Variants in MAPK10 observed in about 807,000 individuals in gnomAD.
MAPK10 encodes the protein JNK3 alpha protein kinase.
A neutral mutation model predicts 59.3 loss-of-function variants in MAPK10; 25 were observed. That is an observed-to-expected ratio of 0.42 (90% confidence interval 0.31 to 0.59). The LOEUF (loss-of-function observed/expected upper bound fraction) is 0.59, where lower values mean the gene tolerates loss of function less well. Among genes scored for constraint, MAPK10 ranks in the 20% least tolerant of loss-of-function variants. The pLI is 0.15. For missense variants in MAPK10, 351 were observed against 568.9 expected (o/e 0.62, Z 3.90); for synonymous variants, 190 against 200.5 (o/e 0.95, Z 0.44).
chr4:86,050,501 C>A (rs1006793963), intron 11 of MAPK10, among the ~76,000 whole-genome samples: 2 of 152,132 alleles, frequency 1.3e-5, no homozygotes, highest in African/African-American at 4.8e-5. Flanking sequence ...AGTGCCATGA[C>A]CTTGGTCTCC....
At chr4:86,531,564 G>A (rs1472132712) in intron 1 of MAPK10, among the ~76,000 whole-genome samples, 1 of 152,194 alleles carries the variant, frequency 6.6e-6, no homozygotes, top group African/African-American at 2.4e-5. Flanking sequence ...CACCAAGAGG[G>A]CAGCAACTAA....
intron 3 of MAPK10, among the ~76,000 whole-genome samples, chr4:86,167,379 T>A (rs1283363562): frequency 1.3e-5 from 2 of 152,174 alleles, no homozygotes; most frequent in Admixed American, 6.6e-5. Context: ...GAGGCCAGCA[T>A]CATCCTGATA....
At chr4:86,216,671 AATG>A (rs1343476818) in intron 2 of MAPK10, among the ~76,000 whole-genome samples, 1 of 152,018 alleles carries the variant, frequency 6.6e-6, no homozygotes, top group African/African-American at 2.4e-5. Context: ...ATAAAAAGAA[AATG>A]ATGAAGTAAT....
intron 1 of MAPK10, among the ~76,000 whole-genome samples, chr4:86,419,284 C>G (rs918864653): frequency 2.0e-5 from 3 of 152,144 alleles, no homozygotes; most frequent in Non-Finnish European, 4.4e-5. Context: ...ATTGGTTTTG[C>G]TTTCCTTCTT....
At chr4:86,369,334 A>G (rs572535500) in intron 1 of MAPK10, among the ~76,000 whole-genome samples, 18 of 152,310 alleles carry the variant, frequency 1.2e-4, no homozygotes, top group African/African-American at 3.1e-4. Flanking sequence ...AAAAATTTCT[A>G]ATATTAAAGA....
At chr4:86,141,726 A>G (rs562293248) in intron 4 of MAPK10, among the ~76,000 whole-genome samples, 41 of 152,352 alleles carry the variant, frequency 2.7e-4, no homozygotes, top group Admixed American at 2.4e-3. Context: ...AATGTAGCCT[A>G]TAAGTTTCTT....
chr4:86,226,315 C>A (rs1161037916), intron 2 of MAPK10, among the ~76,000 whole-genome samples: 1 of 152,168 alleles, frequency 6.6e-6, no homozygotes, highest in African/African-American at 2.4e-5. Flanking sequence ...TAAAGCCAGA[C>A]TTTACCCGGT....
rs114905518 is a variant in MAPK10 at position 86,413,888 on chromosome 4, C to T, written c.-122+39142G>A. 1.8e-4 allele frequency among the ~76,000 whole-genome samples: 27 copies of T among 152,214 alleles called. No homozygotes were observed. The East Asian group carries it at 1.9e-3, about 11-fold the overall frequency. On this transcript the variant is annotated intron_variant, in intron 1 of 13. Coordinates refer to the MAPK10 transcript ENST00000361569. ...TTGTGCTTCCTAGGTGAGGCAATGC[C>T]CTGCCCTGCTTCAGCTTGCCCTCCA... is the stretch of plus-strand genomic sequence containing the variant.
chr4:86,015,399 A>G lies in MAPK10; in HGVS notation c.*1829T>C, dbSNP rs926827881. ...TGTTTTGGGGATATTCTATTTGCCA[A>G]TCAGTTCACACTCATCAACCATCCA... On this transcript the variant is annotated 3_prime_UTR_variant, in exon 14 of 14. Transcript: ENST00000641462. The G allele has an allele frequency of 6.6e-6, 1 of 152,200 alleles. No homozygotes were observed. The highest frequency in any genetic ancestry group is 6.5e-5 in the Admixed American group (1 of 15,290). The allele number at this position is 152,200 out of a possible 1,614,324, so 9.4% of individuals were successfully genotyped here.
intron 1 of MAPK10, among the ~76,000 whole-genome samples, chr4:86,410,889 T>A (rs1745077448): frequency 6.6e-6 from 1 of 152,182 alleles, no homozygotes; most frequent in South Asian, 2.1e-4. Flanking sequence ...TTTTTTTGTA[T>A]CTCCATATCC....
intron 1 of MAPK10, among the ~76,000 whole-genome samples, chr4:86,428,471 T>C (rs1410750721): frequency 1.3e-5 from 2 of 152,156 alleles, no homozygotes; most frequent in Admixed American, 6.5e-5. Flanking sequence ...CAAAGTTACT[T>C]TCTTTATATA....
At chr4:86,313,200 A>G (rs1363748840) in intron 2 of MAPK10, among the ~76,000 whole-genome samples, 1 of 152,094 alleles carries the variant, frequency 6.6e-6, no homozygotes, top group Non-Finnish European at 1.5e-5. Flanking sequence ...TCTGCATTTG[A>G]AAAACAAAAT....
At chr4:86,020,031 C>A (rs1745573674) in intron 13 of MAPK10, among the ~76,000 whole-genome samples, 1 of 152,180 alleles carries the variant, frequency 6.6e-6, no homozygotes, top group African/African-American at 2.4e-5. Flanking sequence ...GCCATCACCA[C>A]AATCCATTTT....
At chr4:86,388,226 A>G (rs1343963936) in intron 1 of MAPK10, among the ~76,000 whole-genome samples, 2 of 151,788 alleles carry the variant, frequency 1.3e-5, no homozygotes, top group African/African-American at 4.8e-5. Context: ...GAGAGAGAGA[A>G]TATATATAAA....
At chr4:86,437,613 A>T (rs899843995) in intron 1 of MAPK10, among the ~76,000 whole-genome samples, 2 of 152,206 alleles carry the variant, frequency 1.3e-5, no homozygotes, top group Non-Finnish European at 2.9e-5. Context: ...ATGAATGATG[A>T]GGTTGCAGAG....
In MAPK10 at chr4:86,168,575, G is replaced by A. The variant is rs536233635; in HGVS notation, c.67-9108C>T. Among the ~76,000 whole-genome samples, 27 of 152,302 alleles carry A rather than the reference G, an allele frequency of 1.8e-4. 1 individual carries two copies. The South Asian group carries it at 5.2e-3, about 29-fold the overall frequency. ...GCAGCCCGGAAGCTCCAACTGGGTG[G>A]AGCCCACCACAGCTCAAGGAGGCCT... On this transcript the variant is annotated intron_variant, in intron 3 of 13. Coordinates refer to ENST00000641462, the MANE Select transcript of MAPK10 (RefSeq NM_138982.4).
intron 4 of MAPK10, among the ~76,000 whole-genome samples, chr4:86,127,359 G>C (rs1162313680): frequency 6.6e-6 from 1 of 151,996 alleles, no homozygotes. Context: ...TAAACTAATT[G>C]ATGATTGATG....
chr4:86,574,114 TCTC>T (rs1761678107), intron 1 of MAPK10, among the ~76,000 whole-genome samples: 1 of 151,924 alleles, frequency 6.6e-6, no homozygotes, highest in Non-Finnish European at 1.5e-5. Flanking sequence ...GTCCATGTGT[TCTC>T]ATTGTTCAAT....
intron 2 of MAPK10, among the ~76,000 whole-genome samples, chr4:86,299,303 A>G (rs73834267): frequency 0.022 from 3,386 of 152,284 alleles, 122 homozygotes; most frequent in African/African-American, 0.076. Flanking sequence ...ACACTGTGCT[A>G]TGGTCTGAAT....
Sources: allele counts gnomAD v4.1 joint callset (sites outside exome capture counted in the v4.1 genomes callset), GRCh38; gene constraint gnomAD v4.1.1; transcripts MANE v1.5; gene names NCBI Gene and HGNC (gene_info 2026-07-23, HGNC 2026-07-21).